CEP72: variants seen among roughly 807,000 people sequenced by gnomAD.
The protein encoded by CEP72 is centrosomal protein 72.
Under a neutral mutation model 65.7 loss-of-function variants are expected in CEP72, and 78 were observed. The observed-to-expected ratio is 1.19, with a 90% confidence interval of 0.99 to 1.43. CEP72 has a LOEUF of 1.43. Ranked by LOEUF, CEP72 falls within the 40% of genes most tolerant of loss-of-function variation. CEP72 has a pLI of 0.00. For synonymous variants in CEP72, 358 were observed against 351.7 expected (o/e 1.02, Z -0.20); for missense variants, 914 against 832.9 (o/e 1.10, Z -1.20).
At chr5:665,631 AG>A (rs1173109230) in intron 3 of CEP72, among the ~76,000 whole-genome samples, 1 of 40,432 alleles carries the variant, frequency 2.5e-5, no homozygotes, top group Non-Finnish European at 5.1e-5. Context: ...ATGCCCCTTC[AG>A]ACCAAGCCTC....
At chr5:642,753 G>C in intron 9 of CEP72, 1 of 985,492 alleles carries the variant, frequency 1.0e-6, no homozygotes, top group Non-Finnish European at 1.2e-6. Context: ...GTAAGGAGCA[G>C]TCAGCACCGT....
intron 4 of CEP72, among the ~76,000 whole-genome samples, chr5:633,543 C>T (rs769613999): frequency 3.3e-5 from 5 of 152,176 alleles, no homozygotes; most frequent in East Asian, 1.9e-4. Flanking sequence ...TGTCCAGTGC[C>T]GGGATGCTGT....
At position 653,034 on chromosome 5, in the gene CEP72, G is replaced by A. The variant is rs753459809; in HGVS notation, c.1825G>A (p.Val609Met). ...NEHLLQELSQ[V>M]RAQHRAEVEQ... ...ACACCTGCTGCAGGAGCTGAGCCAG[G>A]TGCGGGCGCAGCACAGAGCCGAGGT... is the stretch of plus-strand genomic sequence containing the variant. Residue 609 changes from valine to methionine, a missense_variant, in exon 12 of 12, where the codon GTG becomes ATG. Transcript: ENST00000264935. The A allele has an allele frequency of 5.6e-6, 9 of 1,613,728 alleles. No homozygotes were observed. In the South Asian group the frequency reaches 8.8e-5, roughly 16 times the overall value.
chr5:649,715 G>T (rs1220867668), intron 11 of CEP72, among the ~76,000 whole-genome samples: 136 of 42,296 alleles, frequency 3.2e-3, no homozygotes, highest in African/African-American at 9.7e-3. Context: ...GACTGTGAGG[G>T]GTGACCGTGA....
intron 1 of CEP72, among the ~76,000 whole-genome samples, chr5:618,159 T>C (rs899282217): frequency 2.0e-5 from 3 of 152,032 alleles, no homozygotes; most frequent in Non-Finnish European, 4.4e-5. Flanking sequence ...GGGGTGTTCC[T>C]GGGGAGAGAC....
intron 3 of CEP72, among the ~76,000 whole-genome samples, chr5:621,280 A>G (rs1026541222): frequency 3.3e-5 from 5 of 152,210 alleles, no homozygotes; most frequent in Non-Finnish European, 7.3e-5. Flanking sequence ...CAGAATCCCA[A>G]CTATCTTGTT....
chr5:616,685 C>A (rs1736007415), intron 1 of CEP72, among the ~76,000 whole-genome samples: 2 of 152,234 alleles, frequency 1.3e-5, no homozygotes, highest in South Asian at 2.1e-4. Context: ...GCAGACCCTA[C>A]TGGCTGGGAG....
Position 612,453 on chromosome 5 carries a change from A to C in CEP72, c.82+10A>C. The C allele has an allele frequency of 1.5e-5, 19 of 1,291,290 alleles. No individual in the cohort carries two copies. The highest frequency in any genetic ancestry group is 1.9e-5 in the Non-Finnish European group (19 of 977,388). 80.0% of individuals were successfully genotyped at this position (1,291,290 alleles called of 1,614,324 possible). A position where few individuals can be genotyped will look rare whatever the true frequency, so the allele number is the denominator to read the frequency against. ...CCTCACCGCGACCTGGGTGCGCCGGAGGGCGGGCGGGGGTGCAAGCGTGAG... is the reference window on the plus strand; with the variant it reads ...CCTCACCGCGACCTGGGTGCGCCGGCGGGCGGGCGGGGGTGCAAGCGTGAG... On this transcript the variant is annotated intron_variant, in intron 1 of 11. Transcript: ENST00000264935.
chr5:666,304 G>A (rs1739910622), intron 4 of CEP72, among the ~76,000 whole-genome samples: 1 of 152,192 alleles, frequency 6.6e-6, no homozygotes. Context: ...GGCGGAAGCA[G>A]GTCCTCTATA....
chr5:637,475 A>G, intron 6 of CEP72, 42 bp from the exon 7 acceptor site: 1 of 1,567,120 alleles, frequency 6.4e-7, no homozygotes, highest in Non-Finnish European at 8.7e-7. Flanking sequence ...CTGCACCCAG[A>G]GAATTTGGCC....
rs371732867 is a variant in CEP72 at position 640,408 on chromosome 5, C to T, written c.1343C>T (p.Ala448Val). Residue 448 changes from alanine to valine, a missense_variant and splice_region_variant, in exon 9 of 12, where the codon GCT becomes GTT. Physicochemically the swap from Ala to Val is moderately conservative, Grantham distance 64 (BLOSUM62 0). Transcript: ENST00000264935. ...TGTAATATTTGGTTTTCACTCCTAG[C>T]TCAGGCAAGACACATCTTGTCATCT... is the stretch of plus-strand genomic sequence containing the variant. ...RSLHSNEAFL[A>V]QARHILSSVE... 1.9e-6 allele frequency: 3 copies of T among 1,612,094 alleles called. No homozygotes were observed. Among genetic ancestry groups the T allele is most frequent in the Non-Finnish European group, 2.5e-6 (3 of 1,178,702 alleles).
intron 5 of CEP72, among the ~76,000 whole-genome samples, chr5:634,177 T>G (rs1737429240): frequency 6.6e-6 from 1 of 152,222 alleles, no homozygotes; most frequent in Non-Finnish European, 1.5e-5. Context: ...TGGTTTAAAT[T>G]GTATCCTTCT....
chr5:648,931 G>A (rs1372700808), intron 11 of CEP72, among the ~76,000 whole-genome samples: 2 of 146,128 alleles, frequency 1.4e-5, no homozygotes, highest in African/African-American at 2.6e-5. Flanking sequence ...GTGTGACTGT[G>A]AGGTGTGACT....
intron 11 of CEP72, among the ~76,000 whole-genome samples, 166 bp from the exon 12 acceptor site, chr5:652,822 G>A (rs1447077767): frequency 2.0e-5 from 3 of 152,236 alleles, no homozygotes; most frequent in Non-Finnish European, 2.9e-5. Flanking sequence ...GCAGGTGGGC[G>A]GTAGCCAGTG....
At chr5:632,243 G>A (rs1737247338) in intron 4 of CEP72, among the ~76,000 whole-genome samples, 1 of 51,794 alleles carries the variant, frequency 1.9e-5, no homozygotes, top group Admixed American at 1.8e-4. Context: ...GTCCTGGTGG[G>A]GTGCTGTCCA....
chr5:659,234 TCTG>T (rs1184545124), downstream of CEP72, among the ~76,000 whole-genome samples: 1 of 152,262 alleles, frequency 6.6e-6, no homozygotes, highest in Non-Finnish European at 1.5e-5. Flanking sequence ...ATGCTCCTGT[TCTG>T]CTCACCTGTG....
chr5:618,008 T>C (rs1484922469), intron 1 of CEP72, among the ~76,000 whole-genome samples: 1 of 152,176 alleles, frequency 6.6e-6, no homozygotes, highest in East Asian at 1.9e-4. Flanking sequence ...GCTTATGGGG[T>C]GCGTGGAGCT....
At chr5:613,532 A>G (rs952566578) in intron 1 of CEP72, among the ~76,000 whole-genome samples, 4 of 152,156 alleles carry the variant, frequency 2.6e-5, no homozygotes, top group African/African-American at 9.7e-5. Flanking sequence ...TGCCCGGCTA[A>G]TTTTTTATAT....
the CEP72 span, among the ~76,000 whole-genome samples, chr5:672,798 T>C: frequency 1.3e-5 from 2 of 152,256 alleles, no homozygotes; most frequent in South Asian, 4.1e-4. Context: ...CACCGCACGC[T>C]CTTTGCAGGA....
Sources: gnomAD v4.1 joint callset for allele counts (sites outside exome capture counted in the v4.1 genomes callset) on GRCh38, gnomAD v4.1.1 for gene constraint, MANE v1.5 for transcripts, NCBI Gene and HGNC (gene_info 2026-07-23, HGNC 2026-07-21) for gene names.